The following CNTNAP2 variants were observed in gnomAD, a reference collection of about 807,000 sequenced individuals.
CNTNAP2 encodes the protein contactin-associated protein-like 2.
CNTNAP2 carries 98 observed loss-of-function variants against 155.2 expected under a neutral mutation model. The observed-to-expected ratio is 0.63, with a 90% CI of 0.54 to 0.75. The LOEUF (loss-of-function observed/expected upper bound fraction) is 0.75. Ranked by LOEUF, CNTNAP2 falls within the 30% of genes least tolerant of loss-of-function variation. The pLI is 0.00. For missense variants in CNTNAP2, 1,727 were observed against 1,688.1 expected (o/e 1.02, Z -0.40); for synonymous variants, 651 against 631.2 (o/e 1.03, Z -0.47).
intron 1 of CNTNAP2, among the ~76,000 whole-genome samples, chr7:146,609,697 A>G (rs1297162388): frequency 6.6e-6 from 1 of 152,354 alleles, no homozygotes; most frequent in African/African-American, 2.4e-5. Context: ...ATACAAGTAA[A>G]CAGAATTATT....
intron 13 of CNTNAP2, among the ~76,000 whole-genome samples, chr7:147,870,158 G>C (rs963417506): frequency 6.6e-6 from 1 of 152,142 alleles, no homozygotes; most frequent in South Asian, 2.1e-4. Flanking sequence ...ATGTGCAAGA[G>C]ATTTATGGTA....
intron 1 of CNTNAP2, among the ~76,000 whole-genome samples, chr7:146,700,042 A>G (rs1485165930): frequency 6.6e-6 from 1 of 152,140 alleles, no homozygotes; most frequent in Non-Finnish European, 1.5e-5. Flanking sequence ...TGATAAAAGA[A>G]CAAGGGGATT....
At chr7:148,234,039 T>C (rs1487315529) in intron 20 of CNTNAP2, among the ~76,000 whole-genome samples, 1 of 152,238 alleles carries the variant, frequency 6.6e-6, no homozygotes, top group Non-Finnish European at 1.5e-5. Flanking sequence ...CCATGCTTCC[T>C]GTACAGCCTG....
chr7:148,275,235 G>A (rs60729959), intron 21 of CNTNAP2, among the ~76,000 whole-genome samples: 188 of 152,258 alleles, frequency 1.2e-3, no homozygotes, highest in African/African-American at 4.4e-3. Context: ...GGAAAAGAAG[G>A]TAATGGAAAG....
At chr7:146,681,901 A>C (rs1800511065) in intron 1 of CNTNAP2, among the ~76,000 whole-genome samples, 1 of 152,172 alleles carries the variant, frequency 6.6e-6, no homozygotes. Flanking sequence ...TTTTCTATTC[A>C]TCATCTCTAT....
At chr7:147,031,979 G>A (rs1233123738) in intron 3 of CNTNAP2, among the ~76,000 whole-genome samples, 2 of 152,210 alleles carry the variant, frequency 1.3e-5, no homozygotes, top group Non-Finnish European at 2.9e-5. Context: ...ACGGTGAGGA[G>A]TGGCATTAAT....
chr7:147,243,952 G>A (rs1465081150), intron 8 of CNTNAP2, among the ~76,000 whole-genome samples: 1 of 152,098 alleles, frequency 6.6e-6, no homozygotes. Flanking sequence ...AGGTCTTATT[G>A]AAGACATAGA....
At position 146,151,714 on chromosome 7, in the gene CNTNAP2, G is replaced by GTA. The variant is rs548721179; in HGVS notation, c.97+34753_97+34754dup. 5.0e-3 allele frequency among the ~76,000 whole-genome samples: 365 copies of GTA among 72,408 alleles called. 7 individuals carry two copies. Among genetic ancestry groups the GTA allele is most frequent in the African/African-American group, 0.014 (256 of 18,912 alleles). The allele number at this position is 72,408 out of a possible 152,430, so 47.5% of individuals were successfully genotyped here. On this transcript the variant is annotated intron_variant, in intron 1 of 23. Transcript: ENST00000361727. ...TATATATATGTATATATATATATAT[G>GTA]TATATATATATATGCGCAATGGAAT...
At chr7:146,584,960 A>G (rs1255650687) in intron 1 of CNTNAP2, among the ~76,000 whole-genome samples, 1 of 152,176 alleles carries the variant, frequency 6.6e-6, no homozygotes, top group Non-Finnish European at 1.5e-5. Context: ...TGACACCTAT[A>G]TTTAACCTGT....
intron 22 of CNTNAP2, among the ~76,000 whole-genome samples, chr7:148,407,911 T>C (rs1443326524): frequency 6.6e-6 from 1 of 152,140 alleles, no homozygotes; most frequent in African/African-American, 2.4e-5. Context: ...TATATATACG[T>C]ATCTATCTAA....
At chr7:146,389,541 T>C (rs1005833610) in intron 1 of CNTNAP2, among the ~76,000 whole-genome samples, 1 of 151,880 alleles carries the variant, frequency 6.6e-6, no homozygotes, top group Admixed American at 6.6e-5. Context: ...AATTTTAAAT[T>C]GTATAGCTTT....
At chr7:147,125,822 ATG>A (rs1801220895) in intron 6 of CNTNAP2, among the ~76,000 whole-genome samples, 1 of 152,178 alleles carries the variant, frequency 6.6e-6, no homozygotes, top group African/African-American at 2.4e-5. Flanking sequence ...ATAGAAAAAA[ATG>A]TGTGTGAGTT....
At chr7:146,567,547 A>G (rs148508266) in intron 1 of CNTNAP2, among the ~76,000 whole-genome samples, 1 of 152,300 alleles carries the variant, frequency 6.6e-6, no homozygotes, top group African/African-American at 2.4e-5. Flanking sequence ...ATTTAGTTTT[A>G]CTTAAATTTG....
At chr7:148,181,499 T>C (rs2116704218) in intron 18 of CNTNAP2, among the ~76,000 whole-genome samples, 1 of 152,324 alleles carries the variant, frequency 6.6e-6, no homozygotes, top group South Asian at 2.1e-4. Flanking sequence ...GCTGCCAAGT[T>C]TAAGTGGCTT....
chr7:147,350,164 C>T (rs577975181), intron 9 of CNTNAP2, among the ~76,000 whole-genome samples: 20 of 151,858 alleles, frequency 1.3e-4, no homozygotes, highest in Non-Finnish European at 2.7e-4. Context: ...AGAATTTACA[C>T]GTTTGTTATT....
chr7:146,929,418 C>G, intron 3 of CNTNAP2, among the ~76,000 whole-genome samples: 1 of 152,102 alleles, frequency 6.6e-6, no homozygotes. Context: ...TAAAGGACAT[C>G]CACACCAAAA....
intron 1 of CNTNAP2, among the ~76,000 whole-genome samples, chr7:146,160,873 A>C (rs557695937): frequency 6.6e-6 from 1 of 152,346 alleles, no homozygotes; most frequent in Admixed American, 6.5e-5. Context: ...TCATCCTGAT[A>C]CCAAAGCCTG....
At chr7:147,336,969 C>T (rs1488949105) in intron 9 of CNTNAP2, among the ~76,000 whole-genome samples, 1 of 152,088 alleles carries the variant, frequency 6.6e-6, no homozygotes, top group African/African-American at 2.4e-5. Context: ...TTATGTCCCC[C>T]ACCAGCTTAA....
At chr7:147,937,702 G>T (rs149354986) in intron 14 of CNTNAP2, among the ~76,000 whole-genome samples, 1 of 152,182 alleles carries the variant, frequency 6.6e-6, no homozygotes, top group Admixed American at 6.5e-5. Flanking sequence ...CAACTCCTGC[G>T]TGTCACTCAC....
Sources: gnomAD v4.1 joint callset for allele counts (sites outside exome capture counted in the v4.1 genomes callset) on GRCh38, gnomAD v4.1.1 for gene constraint, MANE v1.5 for transcripts, NCBI Gene and HGNC (gene_info 2026-07-23, HGNC 2026-07-21) for gene names.